CSTPP1: variants seen among roughly 807,000 people sequenced by gnomAD.
The protein encoded by CSTPP1 is UPF0705 protein C11orf49.
the CSTPP1 span, among the ~76,000 whole-genome samples, chr11:47,069,772 G>A: frequency 2.6e-5 from 4 of 151,974 alleles, no homozygotes; most frequent in Non-Finnish European, 5.9e-5. Context: ...GCAGTGGCAC[G>A]ATCTCACTCA....
the CSTPP1 span, chr11:47,157,252 G>A: frequency 6.5e-7 from 1 of 1,528,078 alleles, no homozygotes; most frequent in Non-Finnish European, 8.8e-7. Context: ...CAGCCCCCCA[G>A]CCCCAGGGGG....
At chr11:47,002,390 T>G in the CSTPP1 span, among the ~76,000 whole-genome samples, 1 of 152,154 alleles carries the variant, frequency 6.6e-6, no homozygotes, top group African/African-American at 2.4e-5. Context: ...TTTTGAAACT[T>G]AAAAATCCAG....
At chr11:47,054,302 C>G in the CSTPP1 span, among the ~76,000 whole-genome samples, 1 of 135,176 alleles carries the variant, frequency 7.4e-6, no homozygotes, top group East Asian at 2.2e-4. Context: ...CAGAGCAATA[C>G]TCCGTCTCAA....
chr11:47,004,497 A>C, the CSTPP1 span: 1 of 151,690 alleles, frequency 6.6e-6, no homozygotes, highest in Non-Finnish European at 1.5e-5. Flanking sequence ...TTTCTATAAC[A>C]CTTCTTTCTT....
At chr11:47,163,994 T>A in the CSTPP1 span, 3 of 1,371,830 alleles carry the variant, frequency 2.2e-6, no homozygotes, top group Non-Finnish European at 3.0e-6. Flanking sequence ...TCAAGCCTAC[T>A]GCCGTGACAA....
At chr11:47,107,618 T>TC in the CSTPP1 span, among the ~76,000 whole-genome samples, 1 of 152,204 alleles carries the variant, frequency 6.6e-6, no homozygotes, top group African/African-American at 2.4e-5. Flanking sequence ...TGGTTTTTTT[T>TC]CAAGGAGTTT....
chr11:47,142,137 G>A, the CSTPP1 span, among the ~76,000 whole-genome samples: 1 of 151,504 alleles, frequency 6.6e-6, no homozygotes, highest in Non-Finnish European at 1.5e-5. Flanking sequence ...CAGCTACTTG[G>A]GAGCCTGAGG....
At chr11:47,013,031 T>C in the CSTPP1 span, among the ~76,000 whole-genome samples, 3 of 147,248 alleles carry the variant, frequency 2.0e-5, no homozygotes, top group Admixed American at 1.4e-4. Flanking sequence ...AATAACTATA[T>C]ATAATAATAT....
At chr11:47,112,142 C>A in the CSTPP1 span, among the ~76,000 whole-genome samples, 2 of 152,174 alleles carry the variant, frequency 1.3e-5, no homozygotes, top group Non-Finnish European at 2.9e-5. Flanking sequence ...CCCTTCAAAT[C>A]TTCACTTGAG....
the CSTPP1 span, among the ~76,000 whole-genome samples, chr11:47,133,158 A>G: frequency 7.2e-5 from 11 of 152,188 alleles, no homozygotes; most frequent in Non-Finnish European, 1.6e-4. Flanking sequence ...GCTATTAACC[A>G]CAATGCTATG....
the CSTPP1 span, among the ~76,000 whole-genome samples, chr11:47,110,629 C>T: frequency 6.6e-6 from 1 of 152,182 alleles, no homozygotes; most frequent in Admixed American, 6.5e-5. Context: ...TGCCCACTTC[C>T]AGATTTCCAC....
chr11:47,135,825 C>T, the CSTPP1 span, among the ~76,000 whole-genome samples: 351 of 152,226 alleles, frequency 2.3e-3, 1 homozygote, highest in African/African-American at 7.7e-3. Context: ...TAGAGAAGCA[C>T]GCAGTGATTT....
At chr11:47,002,588 G>A in the CSTPP1 span, among the ~76,000 whole-genome samples, 1 of 151,994 alleles carries the variant, frequency 6.6e-6, no homozygotes, top group Admixed American at 6.5e-5. Context: ...AGTAATAATT[G>A]GGCCCAGATT....
the CSTPP1 span, among the ~76,000 whole-genome samples, chr11:46,955,440 T>C: frequency 1.3e-5 from 2 of 148,826 alleles, no homozygotes; most frequent in African/African-American, 4.9e-5. Context: ...CTCAGCTCAC[T>C]GCAACCTCCG....
the CSTPP1 span, among the ~76,000 whole-genome samples, chr11:47,150,007 C>T: frequency 6.6e-6 from 1 of 152,056 alleles, no homozygotes; most frequent in African/African-American, 2.4e-5. Context: ...CCCCAAGAGG[C>T]AGTCCTTTGA....
chr11:46,950,516 G>A, the CSTPP1 span, among the ~76,000 whole-genome samples: 3 of 151,942 alleles, frequency 2.0e-5, no homozygotes, highest in Non-Finnish European at 4.4e-5. Context: ...CAGGGATCAT[G>A]TCTCATATAT....
chr11:47,149,101 C>T, the CSTPP1 span, among the ~76,000 whole-genome samples: 3 of 152,216 alleles, frequency 2.0e-5, no homozygotes, highest in African/African-American at 7.2e-5. Flanking sequence ...AGACCAGCCA[C>T]GTGCTCTTTC....
the CSTPP1 span, among the ~76,000 whole-genome samples, chr11:46,938,750 A>G: frequency 6.9e-6 from 1 of 145,776 alleles, no homozygotes; most frequent in Admixed American, 6.9e-5. Context: ...GTATGGATGT[A>G]CCATGCACAT....
At chr11:47,005,099 C>T in the CSTPP1 span, among the ~76,000 whole-genome samples, 40 of 152,270 alleles carry the variant, frequency 2.6e-4, no homozygotes, top group South Asian at 2.1e-3. Flanking sequence ...AGAACTTGTA[C>T]TGCTATGTCC....
Sources: gnomAD v4.1 joint callset for allele counts (sites outside exome capture counted in the v4.1 genomes callset) on GRCh38, gnomAD v4.1.1 for gene constraint, MANE v1.5 for transcripts, NCBI Gene and HGNC (gene_info 2026-07-23, HGNC 2026-07-21) for gene names.